The following DMD variants were observed in gnomAD, a reference collection of about 807,000 sequenced individuals.
DMD encodes the protein dystrophin.
In DMD, 63 loss-of-function variants were observed where a neutral mutation model predicts 330.1. That is an observed-to-expected ratio of 0.19 (90% CI 0.16 to 0.24). The LOEUF is 0.24. Among genes scored for constraint, DMD ranks in the 10% least tolerant of loss-of-function variants. DMD has a pLI of 1.00. For synonymous variants in DMD, 1,223 were observed against 959.8 expected, an observed-to-expected ratio of 1.27 and a Z score of -5.07; for missense variants, 3,344 against 2,684.1, an observed-to-expected ratio of 1.25 and a Z score of -5.43.
At chrX:31,502,657 G>C (rs957490157) in intron 56 of DMD, among the ~76,000 whole-genome samples, 1 of 111,111 alleles carries the variant, frequency 9.0e-6, no homozygotes, top group East Asian at 2.8e-4. Context: ...TGTAAATTCT[G>C]CTGAAATTAT....
intron 71 of DMD, 109 bp downstream of exon 71, chrX:31,177,823 A>G (rs1452970148): frequency 2.6e-6 from 2 of 777,142 alleles, no homozygotes; most frequent in Admixed American, 2.7e-5. Context: ...TAATATGTCC[A>G]TAAAACAAAA....
At chrX:31,753,889 G>C (rs979862208) in intron 51 of DMD, among the ~76,000 whole-genome samples, 4 of 111,562 alleles carry the variant, frequency 3.6e-5, no homozygotes, top group Non-Finnish European at 7.5e-5. Flanking sequence ...GATTTGAAGT[G>C]TTAAGTAGCA....
intron 47 of DMD, among the ~76,000 whole-genome samples, chrX:31,891,394 G>A (rs1177129840): frequency 8.9e-6 from 1 of 111,819 alleles, no homozygotes; most frequent in African/African-American, 3.3e-5. Flanking sequence ...TGCCAAAATA[G>A]TTTTATATTC....
At chrX:32,528,649 C>A (rs1196239082) in intron 17 of DMD, among the ~76,000 whole-genome samples, 1 of 111,480 alleles carries the variant, frequency 9.0e-6, no homozygotes, top group African/African-American at 3.3e-5. Flanking sequence ...CTTACATCAA[C>A]ACAGACTTTA....
intron 43 of DMD, among the ~76,000 whole-genome samples, chrX:32,217,425 T>C (rs1044155187): frequency 1.2e-3 from 137 of 111,613 alleles, no homozygotes; most frequent in African/African-American, 4.3e-3. Flanking sequence ...TATCTTAACA[T>C]TGTAATAAAT....
chrX:32,870,969 A>G (rs1271397799), intron 2 of DMD, among the ~76,000 whole-genome samples: 1 of 68,937 alleles, frequency 1.5e-5, no homozygotes, highest in Non-Finnish European at 2.8e-5. Flanking sequence ...AAAAAAAAAA[A>G]AAAAAAAAAA....
chrX:32,674,769 TGAGTTC>T (rs1171082902), intron 9 of DMD, among the ~76,000 whole-genome samples: 4 of 111,253 alleles, frequency 3.6e-5, no homozygotes, highest in Non-Finnish European at 7.6e-5. Context: ...CCGGTCTGTA[TGAGTTC>T]GAAAAGTTAT....
intron 57 of DMD, among the ~76,000 whole-genome samples, chrX:31,480,945 T>C (rs1268453166): frequency 3.6e-5 from 4 of 111,928 alleles, no homozygotes; most frequent in Admixed American, 2.9e-4. Context: ...GAGAAGCTAG[T>C]AATCACATAG....
Position 31,146,395 on chromosome X carries a change from A to C in DMD, c.10817T>G (p.Val3606Gly). Residue 3606 changes from valine (V) to glycine (G), a missense_variant, in exon 76 of 79, where the codon GTG becomes GGG. Physicochemically the swap from Val to Gly is moderately radical, Grantham distance 109 (BLOSUM62 -3). Coordinates refer to ENST00000357033, the MANE Select transcript of DMD (RefSeq NM_004006.3). ...AGGAGAGGACACCGTTGTGCCATTC[A>C]CTTTGGCCTCTGCCTGGGGCTAAGT... ...LLEQPQAEAK[V>G]NGTTVSSPST... 1 of 1,210,533 alleles carries C rather than the reference A, an allele frequency of 8.3e-7. No individual in the cohort carries two copies. The highest frequency in any genetic ancestry group is 1.1e-6 in the Non-Finnish European group (1 of 894,624).
At chrX:32,594,124 T>C (rs761552791) in intron 13 of DMD, among the ~76,000 whole-genome samples, 2 of 112,672 alleles carry the variant, frequency 1.8e-5, no homozygotes, top group African/African-American at 6.4e-5. Context: ...ATCATCATAA[T>C]AGAATTTACA....
intron 27 of DMD, among the ~76,000 whole-genome samples, chrX:32,446,668 A>G (rs1024533406): frequency 9.0e-6 from 1 of 110,598 alleles, no homozygotes; most frequent in African/African-American, 3.3e-5. Flanking sequence ...CAGCAGCAAC[A>G]GCAATTATAT....
chrX:32,260,699 G>T lies in DMD; in HGVS notation c.6290+26830C>A, dbSNP rs771213969. Among the ~76,000 whole-genome samples the T allele has an allele frequency of 2.9e-5, 3 of 102,605 alleles. No homozygotes were observed. In the East Asian group the frequency reaches 8.5e-4, roughly 29 times the overall value. The allele number at this position is 102,605 out of a possible 115,157, so 89.1% of individuals were successfully genotyped here. On this transcript the variant is annotated intron_variant, in intron 43 of 78. Transcript: ENST00000357033. ...GTGCTGCCCTCCCTCTGCCACAGTT[G>T]CCTTCTTTTCCTTCATTTCCAAGAA...
At chrX:32,710,046 T>C (rs148383605) in intron 7 of DMD, among the ~76,000 whole-genome samples, 320 of 111,640 alleles carry the variant, frequency 2.9e-3, no homozygotes, top group African/African-American at 8.8e-3. Flanking sequence ...AGAAAGCACA[T>C]AGCAAGGAAC....
intron 9 of DMD, among the ~76,000 whole-genome samples, chrX:32,689,445 A>C (rs1337849914): frequency 9.0e-6 from 1 of 111,552 alleles, no homozygotes; most frequent in Non-Finnish European, 1.9e-5. Flanking sequence ...AAAGAAAAGC[A>C]AAAGACGAGG....
Position 32,006,792 on chromosome X carries a change from C to G in DMD, c.6439-38278G>C, listed in dbSNP as rs768710778. On this transcript the variant is annotated intron_variant, in intron 44 of 78. Coordinates refer to ENST00000357033, the MANE Select transcript of DMD (RefSeq NM_004006.3). ...TGGTGTCCTTTTGCGGCACTATTCA[C>G]AATAGCAAAGACTTGGAACCAACCC... 7.3e-5 allele frequency among the ~76,000 whole-genome samples: 8 copies of G among 109,684 alleles called. No individual in the cohort carries two copies. In the South Asian group the frequency reaches 1.6e-3, roughly 22 times the overall value.
At chrX:31,973,353 G>A (rs771130491) in intron 44 of DMD, among the ~76,000 whole-genome samples, 11 of 110,826 alleles carry the variant, frequency 9.9e-5, no homozygotes, top group Non-Finnish European at 2.1e-4. Context: ...TAAGAAAACA[G>A]TGAAAAATGG....
intron 64 of DMD, among the ~76,000 whole-genome samples, chrX:31,222,056 C>T (rs979758082): frequency 7.2e-5 from 8 of 110,755 alleles, no homozygotes; most frequent in African/African-American, 2.6e-4. Flanking sequence ...ATTAGCCAGG[C>T]GTGGTGGTGG....
At chrX:32,837,874 T>G (rs1673574010) in intron 4 of DMD, among the ~76,000 whole-genome samples, 1 of 111,630 alleles carries the variant, frequency 9.0e-6, no homozygotes, top group Non-Finnish European at 1.9e-5. Context: ...TTGTTGAGAG[T>G]TCAGACTTGA....
rs191006335 is a variant in DMD at position 32,960,984 on chromosome X, C to A, written c.93+59155G>T. On this transcript the variant is annotated intron_variant, in intron 2 of 78. Coordinates refer to ENST00000357033, the MANE Select transcript of DMD (RefSeq NM_004006.3). ...TGCATGATTACATTGAACGTATTTACGTATTTGTTGAATAGTATTTTTCCC... is the reference window on the plus strand; with the variant it reads ...TGCATGATTACATTGAACGTATTTAAGTATTTGTTGAATAGTATTTTTCCC... Among the ~76,000 whole-genome samples, 779 of 105,520 alleles carry A rather than the reference C, an allele frequency of 7.4e-3. 8 individuals are homozygous for A. The highest frequency in any genetic ancestry group is 0.025 in the African/African-American group (741 of 29,099). 91.6% of individuals were successfully genotyped at this position (105,520 alleles called of 115,157 possible). A position where few individuals can be genotyped will look rare whatever the true frequency, so the allele number is the denominator to read the frequency against.
Sources: allele counts gnomAD v4.1 joint callset (sites outside exome capture counted in the v4.1 genomes callset), GRCh38; gene constraint gnomAD v4.1.1; transcripts MANE v1.5; gene names NCBI Gene and HGNC (gene_info 2026-07-23, HGNC 2026-07-21).